Variants in SRPK2 observed in about 807,000 individuals in gnomAD.
The protein encoded by SRPK2 is SRSF protein kinase 2.
Under a neutral mutation model 90.8 loss-of-function variants are expected in SRPK2, and 21 were observed. The ratio of observed to expected loss-of-function variants is 0.23; its 90% CI spans 0.16 to 0.33. The LOEUF (loss-of-function observed/expected upper bound fraction) is 0.33. Ranked by LOEUF, SRPK2 falls within the 10% of genes least tolerant of loss-of-function variation. The probability of loss-of-function intolerance (pLI) is 1.00; values close to 1 mark genes in which losing one functional copy is unlikely to be tolerated. For synonymous variants in SRPK2, 288 were observed against 311.1 expected (o/e 0.93, Z 0.78); for missense variants, 620 against 869.0 (o/e 0.71, Z 3.60).
At chr7:105,224,620 T>C (rs926108993) in intron 2 of SRPK2, among the ~76,000 whole-genome samples, 11 of 152,020 alleles carry the variant, frequency 7.2e-5, no homozygotes, top group African/African-American at 2.7e-4. Flanking sequence ...AAAATAATAA[T>C]AATAATAACT....
intron 2 of SRPK2, among the ~76,000 whole-genome samples, chr7:105,365,695 G>A (rs895195785): frequency 1.9e-4 from 28 of 151,278 alleles, no homozygotes; most frequent in Non-Finnish European, 3.1e-4. Context: ...GCTACTCGGG[G>A]GACTGAGATG....
chr7:105,139,486 G>A (rs1476168701), intron 11 of SRPK2, among the ~76,000 whole-genome samples: 1 of 152,212 alleles, frequency 6.6e-6, no homozygotes, highest in Non-Finnish European at 1.5e-5. Context: ...AGGAAATACA[G>A]TATGTGTAGC....
intron 2 of SRPK2, among the ~76,000 whole-genome samples, chr7:105,335,319 A>C (rs1337011330): frequency 6.6e-6 from 1 of 152,232 alleles, no homozygotes; most frequent in East Asian, 1.9e-4. Context: ...ATTTTAAAAG[A>C]ACTATGAGCA....
intron 2 of SRPK2, among the ~76,000 whole-genome samples, chr7:105,216,482 T>C (rs1280500001): frequency 6.6e-6 from 1 of 151,950 alleles, no homozygotes; most frequent in African/African-American, 2.4e-5. Flanking sequence ...TGAAAACTCA[T>C]CTCTATCAAA....
At chr7:105,171,596 C>T (rs1468646208) in intron 3 of SRPK2, among the ~76,000 whole-genome samples, 1 of 152,206 alleles carries the variant, frequency 6.6e-6, no homozygotes, top group African/African-American at 2.4e-5. Flanking sequence ...TCCCAGAGGG[C>T]TCTCAATAAT....
chr7:105,201,069 A>G (rs1795489469), intron 3 of SRPK2, among the ~76,000 whole-genome samples: 1 of 152,192 alleles, frequency 6.6e-6, no homozygotes, highest in African/African-American at 2.4e-5. Context: ...ATTTTAGCTC[A>G]ACCAGTCCTG....
At chr7:105,331,063 A>ATATAAATCCCAGCCACCACGCCC (rs1306837718) in intron 2 of SRPK2, among the ~76,000 whole-genome samples, 1 of 152,200 alleles carries the variant, frequency 6.6e-6, no homozygotes, top group East Asian at 1.9e-4. Context: ...GCACTTTGGG[A>ATATAAATCCCAGCCACCACGCCC]GGCCGAGGTA....
chr7:105,277,243 A>AT (rs1298701777), intron 2 of SRPK2, among the ~76,000 whole-genome samples: 1 of 151,818 alleles, frequency 6.6e-6, no homozygotes, highest in African/African-American at 2.4e-5. Context: ...CGTCCGGCTA[A>AT]TTTTTTGTAT....
chr7:105,140,963 A>G (rs901552301), intron 11 of SRPK2, among the ~76,000 whole-genome samples: 1 of 146,876 alleles, frequency 6.8e-6, no homozygotes, highest in East Asian at 2.0e-4. Context: ...TCAATCTCAT[A>G]AAAAAAAAAA....
At chr7:105,125,029 C>T (rs1800973879) in intron 15 of SRPK2, among the ~76,000 whole-genome samples, 1 of 149,550 alleles carries the variant, frequency 6.7e-6, no homozygotes. Flanking sequence ...ACATGGGAGG[C>T]TGCGGCAGGA....
intron 2 of SRPK2, among the ~76,000 whole-genome samples, chr7:105,334,114 A>G (rs1284442508): frequency 7.0e-6 from 1 of 142,224 alleles, no homozygotes; most frequent in Non-Finnish European, 1.5e-5. Flanking sequence ...ACAGAGTCTC[A>G]CTCTGTTGCC....
chr7:105,333,349 G>C (rs1230470263), intron 2 of SRPK2, among the ~76,000 whole-genome samples: 1 of 152,174 alleles, frequency 6.6e-6, no homozygotes, highest in Admixed American at 6.5e-5. Flanking sequence ...ATAACATTTA[G>C]CAGTTTGTGT....
At chr7:105,341,358 A>AAAAG (rs1422826482) in intron 2 of SRPK2, among the ~76,000 whole-genome samples, 147 of 11,714 alleles carry the variant, frequency 0.013, no homozygotes, top group Non-Finnish European at 0.028. Context: ...ACTCCGTCTC[A>AAAAG]AAAAAAAAAA....
At position 105,144,280 on chromosome 7, in the gene SRPK2, G is replaced by A. The variant is rs983943170; in HGVS notation, c.814-950C>T. Among the ~76,000 whole-genome samples, 17 of 139,242 alleles carry A rather than the reference G, an allele frequency of 1.2e-4. No homozygotes were observed. In the East Asian group the frequency reaches 1.4e-3, roughly 12 times the overall value. The allele number at this position is 139,242 out of a possible 152,430, so 91.3% of individuals were successfully genotyped here. On this transcript the variant is annotated intron_variant, in intron 9 of 15. Coordinates refer to ENST00000393651, the MANE Select transcript of SRPK2 (RefSeq NM_182692.3). ...TTTTGAGATGGAGTCTCACTCTGTC[G>A]CCCAGGCTGGAGTGCAGTGGCGTGA...
chr7:105,276,443 G>C (rs536770489), intron 2 of SRPK2, among the ~76,000 whole-genome samples: 1 of 151,876 alleles, frequency 6.6e-6, no homozygotes, highest in Admixed American at 6.6e-5. Flanking sequence ...TTTAGACTAT[G>C]ACAAACAAAT....
chr7:105,125,998 A>C (rs1175037048), intron 15 of SRPK2: 1 of 651,496 alleles, frequency 1.5e-6, no homozygotes, highest in South Asian at 1.9e-5. Flanking sequence ...CCAAAAGTAC[A>C]GGCCTTCCTC....
intron 2 of SRPK2, among the ~76,000 whole-genome samples, chr7:105,230,797 G>C (rs1047758200): frequency 1.3e-5 from 2 of 151,932 alleles, no homozygotes; most frequent in African/African-American, 4.8e-5. Context: ...TTCTATCTTA[G>C]GAATTTATTT....
chr7:105,385,341 G>A (rs1055707275), intron 2 of SRPK2, among the ~76,000 whole-genome samples: 10 of 150,042 alleles, frequency 6.7e-5, no homozygotes, highest in Non-Finnish European at 1.2e-4. Context: ...CCACCATGCC[G>A]GGCTAATTTT....
At chr7:105,145,219 C>G in intron 9 of SRPK2, 64 bp downstream of exon 9, 1 of 1,289,160 alleles carries the variant, frequency 7.8e-7, no homozygotes, top group Non-Finnish European at 1.0e-6. Flanking sequence ...ATAATTTGAA[C>G]AACTCAATAA....
Sources: allele counts gnomAD v4.1 joint callset (sites outside exome capture counted in the v4.1 genomes callset), GRCh38; gene constraint gnomAD v4.1.1; transcripts MANE v1.5; gene names NCBI Gene and HGNC (gene_info 2026-07-23, HGNC 2026-07-21).